SPATS2: variants seen among roughly 807,000 people sequenced by gnomAD.
SPATS2 encodes spermatogenesis associated serine rich 2.
A neutral mutation model predicts 63.7 loss-of-function variants in SPATS2; 38 were observed. That is an observed-to-expected ratio of 0.60 (90% CI 0.46 to 0.78). The LOEUF (loss-of-function observed/expected upper bound fraction) is 0.78, where lower values mean the gene tolerates loss of function less well. SPATS2 is among the 30% of genes least tolerant of loss of function. The pLI, the probability that SPATS2 is intolerant of heterozygous loss-of-function variation, is 0.00. For synonymous variants in SPATS2, 207 were observed against 232.9 expected, an observed-to-expected ratio of 0.89 and a Z score of 1.01; for missense variants, 588 against 666.2, an observed-to-expected ratio of 0.88 and a Z score of 1.29.
chr12:49,407,573 G>A (rs1050004213), intron 2 of SPATS2, among the ~76,000 whole-genome samples: 1 of 152,144 alleles, frequency 6.6e-6, no homozygotes, highest in Admixed American at 6.5e-5. Flanking sequence ...TTCCTATGCA[G>A]GTAGCATGGC....
intron 2 of SPATS2, among the ~76,000 whole-genome samples, chr12:49,375,817 C>CT (rs144373314): frequency 0.022 from 3,373 of 151,352 alleles, 117 homozygotes; most frequent in African/African-American, 0.077. Flanking sequence ...GCTTAAACTT[C>CT]TTTTTTTTTG....
intron 2 of SPATS2, among the ~76,000 whole-genome samples, chr12:49,397,830 C>CT (rs1944537282): frequency 1.2e-5 from 1 of 86,594 alleles, no homozygotes; most frequent in Non-Finnish European, 2.2e-5. Context: ...ACTCTTAGCT[C>CT]TTTAAAAAAA....
At chr12:49,416,636 C>T (rs953065623) in intron 2 of SPATS2, among the ~76,000 whole-genome samples, 1 of 152,068 alleles carries the variant, frequency 6.6e-6, no homozygotes, top group African/African-American at 2.4e-5. Flanking sequence ...GCACCCATGA[C>T]CACGCCCGAC....
chr12:49,473,089 CAG>C (rs1946065224), intron 3 of SPATS2, among the ~76,000 whole-genome samples: 1 of 147,462 alleles, frequency 6.8e-6, no homozygotes, highest in Admixed American at 6.8e-5. Flanking sequence ...CAACAAAAAA[CAG>C]AATAATGAAA....
At chr12:49,379,950 A>G (rs1013699744) in intron 2 of SPATS2, among the ~76,000 whole-genome samples, 1 of 151,826 alleles carries the variant, frequency 6.6e-6, no homozygotes, top group Non-Finnish European at 1.5e-5. Context: ...ATCACCCCCA[A>G]AGGAGACCCT....
At chr12:49,392,919 G>A (rs1252691781) in intron 2 of SPATS2, among the ~76,000 whole-genome samples, 1 of 152,108 alleles carries the variant, frequency 6.6e-6, no homozygotes, top group Non-Finnish European at 1.5e-5. Flanking sequence ...AGGCGTGGTG[G>A]CAGGCGCCCA....
intron 2 of SPATS2, among the ~76,000 whole-genome samples, chr12:49,405,329 A>G (rs1423539567): frequency 6.6e-6 from 1 of 152,130 alleles, no homozygotes; most frequent in African/African-American, 2.4e-5. Context: ...AGATGTCTGA[A>G]TTCAACATCT....
intron 2 of SPATS2, among the ~76,000 whole-genome samples, chr12:49,435,638 CT>C (rs34420984): frequency 0.013 from 1,234 of 95,888 alleles, 13 homozygotes; most frequent in African/African-American, 0.031. Flanking sequence ...TGAATGGTTT[CT>C]TTTTTTTTTT....
chr12:49,453,172 A>AG (rs1246762383), intron 2 of SPATS2, among the ~76,000 whole-genome samples: 1 of 151,900 alleles, frequency 6.6e-6, no homozygotes, highest in Non-Finnish European at 1.5e-5. Context: ...AAAAAAAAAA[A>AG]AAAAAGAAAT....
chr12:49,474,078 G>T (rs1946081405), intron 3 of SPATS2, among the ~76,000 whole-genome samples: 1 of 152,146 alleles, frequency 6.6e-6, no homozygotes, highest in African/African-American at 2.4e-5. Flanking sequence ...TAAATTATCA[G>T]ACCAGAATCC....
At chr12:49,439,396 A>G (rs1476998040) in intron 2 of SPATS2, among the ~76,000 whole-genome samples, 1 of 152,142 alleles carries the variant, frequency 6.6e-6, no homozygotes, top group Non-Finnish European at 1.5e-5. Context: ...TGAAAAATAG[A>G]CTACATTAAC....
At chr12:49,402,606 A>G (rs1944625845) in intron 2 of SPATS2, among the ~76,000 whole-genome samples, 1 of 152,214 alleles carries the variant, frequency 6.6e-6, no homozygotes, top group African/African-American at 2.4e-5. Flanking sequence ...TGCGAGCATC[A>G]GAACAGTCAT....
At chr12:49,434,957 TTTAA>T (rs1344378841) in intron 2 of SPATS2, among the ~76,000 whole-genome samples, 5 of 151,988 alleles carry the variant, frequency 3.3e-5, no homozygotes, top group African/African-American at 1.2e-4. Context: ...CAATATGGTA[TTTAA>T]TTAATATAAT....
chr12:49,388,289 A>C (rs1458999960), intron 2 of SPATS2, among the ~76,000 whole-genome samples: 2 of 152,004 alleles, frequency 1.3e-5, no homozygotes, highest in African/African-American at 4.8e-5. Context: ...TAATCTTTTC[A>C]TATTTAATGT....
At chr12:49,493,523 T>C (rs1946418524) in intron 6 of SPATS2, among the ~76,000 whole-genome samples, 1 of 151,954 alleles carries the variant, frequency 6.6e-6, no homozygotes, top group Admixed American at 6.6e-5. Context: ...TGCCTCAGCC[T>C]CCCGAGTAGG....
At chr12:49,503,648 C>CAAA (rs147728331) in intron 9 of SPATS2, among the ~76,000 whole-genome samples, 5 of 139,300 alleles carry the variant, frequency 3.6e-5, no homozygotes, top group African/African-American at 1.3e-4. Flanking sequence ...GACTCCATCT[C>CAAA]AAAAAAAAAA....
At chr12:49,472,915 T>A (rs1171119893) in intron 3 of SPATS2, among the ~76,000 whole-genome samples, 1 of 151,536 alleles carries the variant, frequency 6.6e-6, no homozygotes, top group Non-Finnish European at 1.5e-5. Context: ...GGCGCATGCC[T>A]GTAATCCCAC....
intron 3 of SPATS2, among the ~76,000 whole-genome samples, chr12:49,473,470 G>A (rs912082489): frequency 6.6e-6 from 1 of 152,050 alleles, no homozygotes; most frequent in Non-Finnish European, 1.5e-5. Context: ...AATCTAAATT[G>A]GTACAGTGTC....
intron 3 of SPATS2, among the ~76,000 whole-genome samples, chr12:49,472,578 A>C (rs941970997): frequency 6.7e-6 from 1 of 148,730 alleles, no homozygotes; most frequent in Non-Finnish European, 1.5e-5. Context: ...CATGTCAGGA[A>C]AGAGAATATC....
Sources: gnomAD v4.1 joint callset for allele counts (sites outside exome capture counted in the v4.1 genomes callset) on GRCh38, gnomAD v4.1.1 for gene constraint, MANE v1.5 for transcripts, NCBI Gene and HGNC (gene_info 2026-07-23, HGNC 2026-07-21) for gene names.